Variants in FGF12 observed in about 807,000 individuals in gnomAD.
The protein encoded by FGF12 is fibroblast growth factor 12B.
A neutral mutation model predicts 23.6 loss-of-function variants in FGF12; 14 were observed. The ratio of observed to expected loss-of-function variants is 0.59; its 90% CI spans 0.39 to 0.93. FGF12 has a LOEUF of 0.93. Among genes scored for constraint, FGF12 ranks in the 40% least tolerant of loss-of-function variants. FGF12 has a pLI of 0.00. For missense variants in FGF12, 175 were observed against 217.8 expected, an observed-to-expected ratio of 0.80 and a Z score of 1.24; for synonymous variants, 62 against 77.3, an observed-to-expected ratio of 0.80 and a Z score of 1.04.
chr3:192,247,561 A>G (rs1407888782), intron 4 of FGF12, among the ~76,000 whole-genome samples: 2 of 152,190 alleles, frequency 1.3e-5, no homozygotes, highest in African/African-American at 4.8e-5. Context: ...ATGATGGCAC[A>G]TATTTTGCTG....
At chr3:192,605,152 G>C (rs904025373) in intron 2 of FGF12, among the ~76,000 whole-genome samples, 1 of 152,080 alleles carries the variant, frequency 6.6e-6, no homozygotes, top group Non-Finnish European at 1.5e-5. Flanking sequence ...GTCGAGATAG[G>C]CGGATCATCA....
chr3:192,491,412 T>C (rs1187133572), intron 2 of FGF12, among the ~76,000 whole-genome samples: 2 of 152,160 alleles, frequency 1.3e-5, no homozygotes, highest in African/African-American at 4.8e-5. Flanking sequence ...TGTGTGCTTT[T>C]GCATTTTTGA....
chr3:192,305,447 T>G (rs1467187473), intron 4 of FGF12, among the ~76,000 whole-genome samples: 1 of 151,938 alleles, frequency 6.6e-6, no homozygotes, highest in Non-Finnish European at 1.5e-5. Context: ...TCCCACTCCT[T>G]CTCTGCCTCC....
intron 2 of FGF12, among the ~76,000 whole-genome samples, chr3:192,663,822 A>T (rs1020935052): frequency 1.2e-4 from 18 of 152,010 alleles, no homozygotes; most frequent in Non-Finnish European, 2.4e-4. Context: ...GTCTCCAAGG[A>T]TTTCACTTTT....
At chr3:192,413,164 T>A (rs4514998) in intron 2 of FGF12, among the ~76,000 whole-genome samples, 3 of 152,080 alleles carry the variant, frequency 2.0e-5, no homozygotes, top group African/African-American at 4.8e-5. Context: ...GGTCTTTTGC[T>A]TATTCATAGG....
intron 2 of FGF12, among the ~76,000 whole-genome samples, chr3:192,457,544 C>G (rs1276202901): frequency 6.6e-6 from 1 of 152,148 alleles, no homozygotes; most frequent in Non-Finnish European, 1.5e-5. Flanking sequence ...TGCCCCCATC[C>G]TAGAAATTTG....
chr3:192,338,299 G>A (rs1177350516), intron 3 of FGF12, among the ~76,000 whole-genome samples: 1 of 152,050 alleles, frequency 6.6e-6, no homozygotes, highest in Non-Finnish European at 1.5e-5. Flanking sequence ...TGGCCAGGCT[G>A]GTCTCGAACT....
At position 192,140,827 on chromosome 3, in the gene FGF12, G is replaced by A. The variant is rs1159349220; in HGVS notation, c.*3182C>T. 6.6e-6 allele frequency: 1 copy of A among 151,814 alleles called. No homozygotes were observed. Among genetic ancestry groups the A allele is most frequent in the African/African-American group, 2.4e-5 (1 of 41,380 alleles). The allele number at this position is 151,814 out of a possible 1,614,324, so 9.4% of individuals were successfully genotyped here. On this transcript the variant is annotated 3_prime_UTR_variant, in exon 6 of 6. Transcript: ENST00000445105. ...AGCCAAAACGATTACTATGAGAATA[G>A]GATGGCTTGCTGCCCTCCAATTTGC...
At chr3:192,423,359 ATAAG>A (rs1305406740) in intron 2 of FGF12, among the ~76,000 whole-genome samples, 1 of 152,182 alleles carries the variant, frequency 6.6e-6, no homozygotes, top group Non-Finnish European at 1.5e-5. Context: ...GAGCCATTTT[ATAAG>A]TATGTATCTA....
intron 3 of FGF12, among the ~76,000 whole-genome samples, chr3:192,356,154 G>A (rs946110367): frequency 5.3e-5 from 8 of 152,068 alleles, no homozygotes; most frequent in Non-Finnish European, 1.0e-4. Flanking sequence ...ACTGAGTTCT[G>A]AAACCATGCC....
At chr3:192,592,656 T>G (rs976668339) in intron 2 of FGF12, among the ~76,000 whole-genome samples, 15 of 151,996 alleles carry the variant, frequency 9.9e-5, no homozygotes, top group African/African-American at 3.6e-4. Context: ...CAGGGCATAG[T>G]TGTCCTTGCA....
chr3:192,609,383 G>A (rs1355014860), intron 2 of FGF12, among the ~76,000 whole-genome samples: 1 of 152,058 alleles, frequency 6.6e-6, no homozygotes, highest in Non-Finnish European at 1.5e-5. Context: ...TATGATTGTT[G>A]GTTCTTATAG....
chr3:192,332,447 T>C (rs1306877441), intron 4 of FGF12, among the ~76,000 whole-genome samples: 1 of 152,074 alleles, frequency 6.6e-6, no homozygotes, highest in Admixed American at 6.6e-5. Context: ...CAAACTATTA[T>C]GGTAAAAACA....
At chr3:192,167,535 A>G (rs1715235701) in intron 5 of FGF12, among the ~76,000 whole-genome samples, 1 of 151,566 alleles carries the variant, frequency 6.6e-6, no homozygotes, top group South Asian at 2.1e-4. Flanking sequence ...TGGTCTCTAG[A>G]TTTGTTTTGT....
chr3:192,311,595 A>G (rs1715940273), intron 4 of FGF12, among the ~76,000 whole-genome samples: 1 of 152,224 alleles, frequency 6.6e-6, no homozygotes, highest in Non-Finnish European at 1.5e-5. Flanking sequence ...GAATAATGCT[A>G]CTATGGGTAT....
chr3:192,506,671 T>C (rs9883059), intron 2 of FGF12, among the ~76,000 whole-genome samples: 136,536 of 152,110 alleles, frequency 0.9, 61,299 homozygotes, highest in East Asian at 0.91. Context: ...CGAGCCCGGC[T>C]AACATAGTTT....
chr3:192,583,679 T>A (rs538271785), intron 2 of FGF12, among the ~76,000 whole-genome samples: 1 of 152,212 alleles, frequency 6.6e-6, no homozygotes, highest in Non-Finnish European at 1.5e-5. Context: ...AGTCTTGACA[T>A]CTGACCTGTT....
intron 2 of FGF12, among the ~76,000 whole-genome samples, chr3:192,552,468 C>A (rs1019858473): frequency 1.3e-5 from 2 of 151,982 alleles, no homozygotes; most frequent in Non-Finnish European, 2.9e-5. Context: ...AAATAGAAAA[C>A]CTTGACTGAG....
chr3:192,369,933 T>C (rs565484980), intron 2 of FGF12, among the ~76,000 whole-genome samples: 1 of 152,234 alleles, frequency 6.6e-6, no homozygotes, highest in South Asian at 2.1e-4. Flanking sequence ...CAAGAAACAG[T>C]TGAAAAAAGC....
Sources: gnomAD v4.1 joint callset for allele counts (sites outside exome capture counted in the v4.1 genomes callset) on GRCh38, gnomAD v4.1.1 for gene constraint, MANE v1.5 for transcripts, NCBI Gene and HGNC (gene_info 2026-07-23, HGNC 2026-07-21) for gene names.